Variants in PRMT8 observed in about 807,000 individuals in gnomAD.
PRMT8 encodes the protein protein arginine N-methyltransferase 8.
Under a neutral mutation model 47.1 loss-of-function variants are expected in PRMT8, and 7 were observed. That is an observed-to-expected ratio of 0.15 (90% CI 0.08 to 0.28). The LOEUF is 0.28. Ranked by LOEUF, PRMT8 falls within the 10% of genes least tolerant of loss-of-function variation. The probability of loss-of-function intolerance (pLI) is 1.00; values close to 1 mark genes in which losing one functional copy is unlikely to be tolerated. For missense variants in PRMT8, 237 were observed against 505.4 expected, an observed-to-expected ratio of 0.47 and a Z score of 5.09; for synonymous variants, 188 against 186.5, an observed-to-expected ratio of 1.01 and a Z score of -0.07.
chr12:3,560,718 A>G (rs1448624494), intron 4 of PRMT8, among the ~76,000 whole-genome samples: 1 of 152,198 alleles, frequency 6.6e-6, no homozygotes, highest in Admixed American at 6.5e-5. Flanking sequence ...TAAAGCATAA[A>G]TGTCATAGCT....
At chr12:3,559,200 C>T (rs1866587782) in intron 4 of PRMT8, among the ~76,000 whole-genome samples, 1 of 152,180 alleles carries the variant, frequency 6.6e-6, no homozygotes, top group Admixed American at 6.5e-5. Context: ...TCACTGATGC[C>T]ATTCCAGCTG....
chr12:3,581,201 A>G (rs1591614620), intron 7 of PRMT8, among the ~76,000 whole-genome samples: 2 of 152,302 alleles, frequency 1.3e-5, no homozygotes, highest in Admixed American at 6.5e-5. Flanking sequence ...ACCCACCCAG[A>G]GGAGAAAGGC....
intron 1 of PRMT8, among the ~76,000 whole-genome samples, chr12:3,413,146 G>C (rs982355136): frequency 6.6e-6 from 1 of 152,118 alleles, no homozygotes; most frequent in African/African-American, 2.4e-5. Context: ...ATTCAGCCAA[G>C]AATTGGCTGA....
intron 6 of PRMT8, among the ~76,000 whole-genome samples, chr12:3,574,245 T>G (rs888822547): frequency 2.0e-5 from 3 of 152,120 alleles, no homozygotes; most frequent in African/African-American, 7.2e-5. Flanking sequence ...TTAGAGAAGG[T>G]CTCACAAAGG....
intron 9 of PRMT8, 115 bp downstream of exon 9, chr12:3,592,467 G>T: frequency 8.3e-7 from 1 of 1,202,774 alleles, no homozygotes; most frequent in Non-Finnish European, 1.1e-6. Flanking sequence ...AACTTACTGA[G>T]GCAGGCAGTC....
intron 1 of PRMT8, among the ~76,000 whole-genome samples, chr12:3,525,618 G>T (rs1331114729): frequency 6.6e-6 from 1 of 152,164 alleles, no homozygotes; most frequent in Admixed American, 6.5e-5. Flanking sequence ...CCTTTTAGGA[G>T]TGAAGAAACC....
At chr12:3,584,719 T>C (rs544354014) in intron 8 of PRMT8, among the ~76,000 whole-genome samples, 3 of 152,366 alleles carry the variant, frequency 2.0e-5, no homozygotes, top group Non-Finnish European at 2.9e-5. Context: ...AGCACATGCA[T>C]ATCCATAGAT....
At chr12:3,506,311 A>T (rs566966227) in intron 1 of PRMT8, among the ~76,000 whole-genome samples, 2 of 152,244 alleles carry the variant, frequency 1.3e-5, no homozygotes, top group Non-Finnish European at 2.9e-5. Flanking sequence ...TTTATTAGTA[A>T]TCTGGGCTTA....
chr12:3,461,872 G>GT (rs1865045892), intron 1 of PRMT8, among the ~76,000 whole-genome samples: 1 of 152,010 alleles, frequency 6.6e-6, no homozygotes, highest in African/African-American at 2.4e-5. Context: ...TTACAAGCAG[G>GT]TTTTTTAAAA....
chr12:3,483,224 G>A (rs914800154), intron 1 of PRMT8, among the ~76,000 whole-genome samples: 1 of 152,206 alleles, frequency 6.6e-6, no homozygotes, highest in African/African-American at 2.4e-5. Flanking sequence ...TCACTCTCCT[G>A]ATGATACCAG....
In PRMT8 at chr12:3,557,649, C is replaced by G. The variant is rs186582770; in HGVS notation, c.481+3935C>G. Among the ~76,000 whole-genome samples, 3 of 152,274 alleles carry G rather than the reference C, an allele frequency of 2.0e-5. No homozygotes were observed. Among genetic ancestry groups the G allele is most frequent in the Admixed American group, 2.0e-4 (3 of 15,314 alleles). On this transcript the variant is annotated intron_variant, in intron 4 of 9. Coordinates refer to ENST00000382622, the MANE Select transcript of PRMT8 (RefSeq NM_019854.5). This position sits in a 1 kb window ranked among gnomAD's most constrained non-coding sequence, Gnocchi z 4.7. ...CGATTCTTTCTCTGGGAGGGTGACA[C>G]AGCCTGGCCTCCTTCTCCCCAACCT...
chr12:3,398,024 CT>C (rs201611182), intron 1 of PRMT8, among the ~76,000 whole-genome samples: 1,598 of 152,320 alleles, frequency 0.01, 39 homozygotes, highest in African/African-American at 0.036. Flanking sequence ...TCCCTGACCC[CT>C]TGCGCTTCCC....
intron 1 of PRMT8, among the ~76,000 whole-genome samples, chr12:3,395,472 CAGT>C (rs1644171534): frequency 6.6e-6 from 1 of 151,080 alleles, no homozygotes; most frequent in Admixed American, 6.6e-5. Context: ...GTTATGTACC[CAGT>C]AGTCATTCAG....
intron 1 of PRMT8, among the ~76,000 whole-genome samples, chr12:3,424,385 G>T (rs975437542): frequency 1.3e-5 from 2 of 152,220 alleles, no homozygotes; most frequent in East Asian, 1.9e-4. Flanking sequence ...CGCAAATGAC[G>T]CAAGACCAGC....
chr12:3,384,385 A>G lies in PRMT8; in HGVS notation c.48+2943A>G, dbSNP rs117126054. Reference sequence around the variant, plus strand: ...TTTTTCACCTGCTTTAGGCCAAACAATATACTATTTACACTATTCTGAATA... The same window carrying G: ...TTTTTCACCTGCTTTAGGCCAAACAGTATACTATTTACACTATTCTGAATA... On this transcript the variant is annotated intron_variant, in intron 1 of 9. Coordinates refer to the PRMT8 transcript ENST00000452611. Among the ~76,000 whole-genome samples the G allele has an allele frequency of 1.5e-3, 222 of 152,338 alleles. 5 individuals carry two copies. The East Asian group carries it at 0.034, about 23-fold the overall frequency.
At chr12:3,498,662 A>G (rs1259393925) in intron 1 of PRMT8, among the ~76,000 whole-genome samples, 1 of 152,036 alleles carries the variant, frequency 6.6e-6, no homozygotes, top group Non-Finnish European at 1.5e-5. Context: ...CGGAAGCTTG[A>G]CCCTAGGCCA....
intron 1 of PRMT8, among the ~76,000 whole-genome samples, chr12:3,480,764 G>T (rs1865266726): frequency 6.6e-6 from 1 of 152,094 alleles, no homozygotes; most frequent in Admixed American, 6.5e-5. Context: ...AAGAGTGCAG[G>T]GTGAACTTCC....
chr12:3,577,030 C>G, intron 7 of PRMT8, 44 bp downstream of exon 7: 1 of 1,529,594 alleles, frequency 6.5e-7, no homozygotes, highest in Non-Finnish European at 9.1e-7. Flanking sequence ...GCTGGGAGCC[C>G]CGCTGTGCCA....
intron 1 of PRMT8, among the ~76,000 whole-genome samples, chr12:3,442,050 T>C (rs1182532303): frequency 6.6e-6 from 1 of 152,134 alleles, no homozygotes; most frequent in African/African-American, 2.4e-5. Flanking sequence ...TCCAAACTCA[T>C]AGCAAATGCT....
Sources: gnomAD v4.1 joint callset for allele counts (sites outside exome capture counted in the v4.1 genomes callset) on GRCh38, gnomAD v4.1.1 for gene constraint, Gnocchi (gnomAD v3.1) non-coding constraint, MANE v1.5 for transcripts, NCBI Gene and HGNC (gene_info 2026-07-23, HGNC 2026-07-21) for gene names.